Variants in LMCD1 observed in about 807,000 individuals in gnomAD.
LMCD1 encodes LIM and cysteine rich domains 1, also known as LIM and cysteine-rich domains protein 1.
LMCD1 carries 32 observed loss-of-function variants against 42.7 expected under a neutral mutation model. That is an observed-to-expected ratio of 0.75 (90% CI 0.57 to 1.01). LMCD1 has a LOEUF of 1.01. LMCD1 is among the 50% of genes least tolerant of loss of function. The pLI is 0.00. For synonymous variants in LMCD1, 178 were observed against 184.9 expected, an observed-to-expected ratio of 0.96 and a Z score of 0.30; for missense variants, 458 against 483.1, an observed-to-expected ratio of 0.95 and a Z score of 0.49.
chr3:8,558,926 T>G (rs1431340442), intron 4 of LMCD1, among the ~76,000 whole-genome samples: 1 of 152,146 alleles, frequency 6.6e-6, no homozygotes, highest in African/African-American at 2.4e-5. Flanking sequence ...ATCTACTGTA[T>G]CAGACACTGT....
chr3:8,542,161 A>AT (rs1363751888), intron 3 of LMCD1, among the ~76,000 whole-genome samples: 1 of 151,432 alleles, frequency 6.6e-6, no homozygotes, highest in African/African-American at 2.4e-5. Flanking sequence ...TGCCCAGCTA[A>AT]TTTTTTTGTT....
rs866171809 is a variant in LMCD1, at chr3:8,532,589, C to T, written c.43-148C>T. On this transcript the variant is annotated intron_variant, in intron 1 of 5. Coordinates refer to ENST00000157600, the MANE Select transcript of LMCD1 (RefSeq NM_014583.4). Reference sequence around the variant, plus strand: ...GTTCCTGTTTGGTCTTCTCAGTTCCCGGTAAACAGTTTGTGATGGCTTATT... The same window carrying T: ...GTTCCTGTTTGGTCTTCTCAGTTCCTGGTAAACAGTTTGTGATGGCTTATT... The T allele has an allele frequency of 2.3e-5, 16 of 682,182 alleles. No individual in the cohort carries two copies. The highest frequency in any genetic ancestry group is 6.0e-4 in the Middle Eastern group (2 of 3,316). 42.3% of individuals were successfully genotyped at this position (682,182 alleles called of 1,614,324 possible).
At chr3:8,513,139 G>T (rs1694033339) in intron 1 of LMCD1, among the ~76,000 whole-genome samples, 1 of 152,068 alleles carries the variant, frequency 6.6e-6, no homozygotes, top group Non-Finnish European at 1.5e-5. Context: ...CTCCTTATTG[G>T]TTTTCTTTAT....
intron 4 of LMCD1, chr3:8,551,394 C>T (rs1694835616): frequency 2.1e-6 from 2 of 935,024 alleles, no homozygotes; most frequent in Non-Finnish European, 2.6e-6. Flanking sequence ...AAACACTATG[C>T]TCACACTGTC....
At chr3:8,553,186 C>T (rs1694870479) in intron 4 of LMCD1, among the ~76,000 whole-genome samples, 1 of 152,134 alleles carries the variant, frequency 6.6e-6, no homozygotes. Flanking sequence ...GGCCAGGGCC[C>T]CACTTTCCCC....
At chr3:8,553,080 A>C (rs532691719) in intron 4 of LMCD1, among the ~76,000 whole-genome samples, 1 of 152,156 alleles carries the variant, frequency 6.6e-6, no homozygotes, top group Non-Finnish European at 1.5e-5. Context: ...GTTCCTGGAG[A>C]GCTCTGGAAG....
intron 1 of LMCD1, among the ~76,000 whole-genome samples, chr3:8,504,418 G>C (rs1209825962): frequency 6.6e-6 from 1 of 152,180 alleles, no homozygotes; most frequent in Non-Finnish European, 1.5e-5. Context: ...AGCTACAAGG[G>C]GCCTATTTAC....
intron 3 of LMCD1, among the ~76,000 whole-genome samples, chr3:8,547,321 T>C (rs1694755668): frequency 6.6e-6 from 1 of 152,178 alleles, no homozygotes; most frequent in African/African-American, 2.4e-5. Context: ...TGTTAAATGG[T>C]ACACACGCAC....
chr3:8,539,220 G>A (rs748008297), intron 3 of LMCD1, among the ~76,000 whole-genome samples: 9 of 152,066 alleles, frequency 5.9e-5, no homozygotes, highest in Non-Finnish European at 1.2e-4. Flanking sequence ...GTTGCCTTAG[G>A]GGGGAAAATC....
chr3:8,521,078 C>A (rs1471926570), intron 1 of LMCD1, among the ~76,000 whole-genome samples: 1 of 152,196 alleles, frequency 6.6e-6, no homozygotes, highest in Non-Finnish European at 1.5e-5. Flanking sequence ...AATATTAGTT[C>A]AGCCTTAAAA....
chr3:8,557,651 C>A (rs1413565388), intron 4 of LMCD1, among the ~76,000 whole-genome samples: 2 of 152,196 alleles, frequency 1.3e-5, no homozygotes, highest in Non-Finnish European at 2.9e-5. Flanking sequence ...TCTGCTGTTG[C>A]CTAAAACACT....
chr3:8,542,872 G>A (rs1189044955), intron 3 of LMCD1, among the ~76,000 whole-genome samples: 1 of 152,206 alleles, frequency 6.6e-6, no homozygotes, highest in Non-Finnish European at 1.5e-5. Flanking sequence ...GTTAACGTGT[G>A]TGAAGCACTT....
At chr3:8,502,497 G>A (rs1414031852) in intron 1 of LMCD1, among the ~76,000 whole-genome samples, 1 of 137,882 alleles carries the variant, frequency 7.3e-6, no homozygotes, top group Non-Finnish European at 1.5e-5. Context: ...TGAAGTAAGG[G>A]TTGAGAGCAT....
chr3:8,573,399 T>C lies in LMCD1; in HGVS notation c.*5801T>C, dbSNP rs1034388666. 6 of 152,222 alleles carry C rather than the reference T, an allele frequency of 3.9e-5. No individual in the cohort carries two copies. Among genetic ancestry groups the C allele is most frequent in the Non-Finnish European group, 5.9e-5 (4 of 68,044 alleles). 9.4% of individuals were successfully genotyped at this position (152,222 alleles called of 1,614,324 possible). ...TTTTGTGGTGAGAACATTTTAAAAA[T>C]ATTGTCTTAGCAATTTTCAATCAAG... On this transcript the variant is annotated 3_prime_UTR_variant, in exon 6 of 6. Transcript: ENST00000157600.
rs763445369 is a variant in LMCD1 at position 8,548,548 on chromosome 3, TTCC to T, written c.388-7_388-5del. ...AGCCCCATCCACATCATGTTGTCTC[TTCC>T]TCCTCCTCCTCCCTAGGGACTGCAG... On this transcript the variant is annotated splice_polypyrimidine_tract_variant and intron_variant, in intron 3 of 5. Coordinates refer to ENST00000157600, the MANE Select transcript of LMCD1 (RefSeq NM_014583.4). 42 of 1,553,194 alleles carry T rather than the reference TTCC, an allele frequency of 2.7e-5. No homozygotes were observed. The highest frequency in any genetic ancestry group is 7.2e-5 in the Admixed American group (4 of 55,772).
chr3:8,573,106 GA>G lies in LMCD1; in HGVS notation c.*5509del, dbSNP rs1695244738. On this transcript the variant is annotated 3_prime_UTR_variant, in exon 6 of 6. Transcript: ENST00000157600. The stretch of plus-strand genomic sequence containing the variant: ...GTAGGGTGGTACATTTCCTCATTTT[GA>G]GATATTTCTTCAACATATAGCTTTT... 6.6e-6 allele frequency: 1 copy of G among 152,130 alleles called. No homozygotes were observed. The highest frequency in any genetic ancestry group is 6.5e-5 in the Admixed American group (1 of 15,280). The allele number at this position is 152,130 out of a possible 1,614,324, so 9.4% of individuals were successfully genotyped here.
intron 1 of LMCD1, among the ~76,000 whole-genome samples, chr3:8,502,442 T>A (rs1290628015): frequency 8.5e-6 from 1 of 118,124 alleles, no homozygotes; most frequent in African/African-American, 3.3e-5. Flanking sequence ...TTATGGTCTG[T>A]AAAGGAAAAA....
At chr3:8,542,307 T>C (rs2125028142) in intron 3 of LMCD1, among the ~76,000 whole-genome samples, 1 of 152,240 alleles carries the variant, frequency 6.6e-6, no homozygotes, top group East Asian at 1.9e-4. Context: ...CAGCCCCAGC[T>C]GGAGCTTTGA....
chr3:8,513,606 A>G (rs1559345109), intron 1 of LMCD1, among the ~76,000 whole-genome samples: 1 of 152,222 alleles, frequency 6.6e-6, no homozygotes, highest in South Asian at 2.1e-4. Context: ...ATGACTTTCA[A>G]AGAAAAAAGG....
Sources: gnomAD v4.1 joint callset for allele counts (sites outside exome capture counted in the v4.1 genomes callset) on GRCh38, gnomAD v4.1.1 for gene constraint, MANE v1.5 for transcripts, NCBI Gene and HGNC (gene_info 2026-07-23, HGNC 2026-07-21) for gene names.